Variants in NXN observed in about 807,000 individuals in gnomAD.
NXN encodes the protein nucleoredoxin 1.
NXN carries 16 observed loss-of-function variants against 48.6 expected under a neutral mutation model. The ratio of observed to expected loss-of-function variants is 0.33; its 90% CI spans 0.22 to 0.50. The LOEUF (loss-of-function observed/expected upper bound fraction) is 0.50, where lower values mean the gene tolerates loss of function less well. Among genes scored for constraint, NXN ranks in the 20% least tolerant of loss-of-function variants. The pLI, the probability that NXN is intolerant of heterozygous loss-of-function variation, is 0.98. For synonymous variants in NXN, 281 were observed against 269.6 expected, an observed-to-expected ratio of 1.04 and a Z score of -0.41; for missense variants, 492 against 605.5, an observed-to-expected ratio of 0.81 and a Z score of 1.97.
At position 810,063 on chromosome 17, in the gene NXN, C is replaced by CTGTGAGTGGCGTGCACGTTACGAGTCCG. The variant is rs747641155; in HGVS notation, c.821-4844_821-4817dup. On this transcript the variant is annotated intron_variant, in intron 5 of 7. Transcript: ENST00000336868. ...TGAGTGGCGTGCACGTTACGAGTCC[C>CTGTGAGTGGCGTGCACGTTACGAGTCCG]TGTGAGTGGCGTGCACGTTACGAGT... is the stretch of plus-strand genomic sequence containing the variant. Among the ~76,000 whole-genome samples the CTGTGAGTGGCGTGCACGTTACGAGTCCG allele has an allele frequency of 8.1e-3, 302 of 37,334 alleles. 30 individuals carry two copies. Among genetic ancestry groups the CTGTGAGTGGCGTGCACGTTACGAGTCCG allele is most frequent in the East Asian group, 0.015 (16 of 1,048 alleles). 24.5% of individuals were successfully genotyped at this position (37,334 alleles called of 152,430 possible).
At position 920,967 on chromosome 17, in the gene NXN, C is replaced by T. The variant is rs1597243571; in HGVS notation, c.360+58352G>A. On this transcript the variant is annotated intron_variant, in intron 1 of 7. Transcript: ENST00000336868. This position sits in a 1 kb window ranked among gnomAD's most constrained non-coding sequence, Gnocchi z 4.6. Reference sequence around the variant, plus strand: ...TGAACTCCTGACCTCAAGTGATCCTCCCACCTTGGCCCCCAAAAGTCCTGG... The same window carrying T: ...TGAACTCCTGACCTCAAGTGATCCTTCCACCTTGGCCCCCAAAAGTCCTGG... 6.6e-6 allele frequency among the ~76,000 whole-genome samples: 1 copy of T among 152,174 alleles called. No individual in the cohort carries two copies. Among genetic ancestry groups the T allele is most frequent in the East Asian group, 1.9e-4 (1 of 5,190 alleles).
At chr17:896,860 C>CAGGG in intron 1 of NXN, 1 of 566,100 alleles carries the variant, frequency 1.8e-6, no homozygotes, top group Non-Finnish European at 2.7e-6. Flanking sequence ...CCTGACCACC[C>CAGGG]GCCCCCGGCC....
intron 1 of NXN, among the ~76,000 whole-genome samples, chr17:955,850 C>A (rs1292243120): frequency 6.6e-6 from 1 of 151,150 alleles, no homozygotes; most frequent in South Asian, 2.1e-4. Flanking sequence ...TGCAGTGAGC[C>A]GAGATTGTGC....
chr17:868,374 C>T (rs1366436418), intron 1 of NXN, among the ~76,000 whole-genome samples: 1 of 152,230 alleles, frequency 6.6e-6, no homozygotes, highest in Non-Finnish European at 1.5e-5. Context: ...GAACTCTCAT[C>T]CAGCCAGCAG....
At position 822,362 on chromosome 17, in the gene NXN, T is replaced by C; in HGVS notation, c.708A>G (p.Ala236=). ...GQNFEIIFVS[A]DRSEESFKQY... Reference sequence around the variant, plus strand: ...CACTTCACGGCACGACTGACCTGTCTGCACTAACGAAGATGATCTCGAAGT... The same window carrying C: ...CACTTCACGGCACGACTGACCTGTCCGCACTAACGAAGATGATCTCGAAGT... Residue 236 remains alanine (A), a synonymous_variant, in exon 4 of 8, where the codon GCA becomes GCG. Coordinates refer to ENST00000336868, the MANE Select transcript of NXN (RefSeq NM_022463.5). 1 of 1,612,678 alleles carries C rather than the reference T, an allele frequency of 6.2e-7. No individual in the cohort carries two copies. The highest frequency in any genetic ancestry group is 8.5e-7 in the Non-Finnish European group (1 of 1,178,712).
chr17:852,994 T>C (rs1330681488), intron 1 of NXN, among the ~76,000 whole-genome samples: 1 of 152,032 alleles, frequency 6.6e-6, no homozygotes, highest in Admixed American at 6.6e-5. Flanking sequence ...CTTTTTTTTT[T>C]TGAGACAGAG....
intron 1 of NXN, among the ~76,000 whole-genome samples, chr17:838,835 G>A (rs778422033): frequency 1.7e-4 from 26 of 152,130 alleles, no homozygotes; most frequent in Non-Finnish European, 3.7e-4. Flanking sequence ...AACGGGGGCC[G>A]CTCCAAGAAC....
rs34471469 is a variant in NXN at position 825,221 on chromosome 17, GAAAA to G, written c.478+736_478+739del. Among the ~76,000 whole-genome samples the G allele has an allele frequency of 2.5e-5, 3 of 120,988 alleles. No individual in the cohort carries two copies. The highest frequency in any genetic ancestry group is 8.6e-5 in the Admixed American group (1 of 11,666). 79.4% of individuals were successfully genotyped at this position (120,988 alleles called of 152,430 possible). On this transcript the variant is annotated intron_variant, in intron 2 of 7. Transcript: ENST00000336868. The surrounding 1 kb of genome is among the most constrained non-coding windows in gnomAD (Gnocchi z 4.1). Reference sequence around the variant, plus strand: ...GACAGAGGGAGATAGTGTCTCAAGAGAAAAAAAAAAAAAAAAAAGAAAAGCTTCA... The same window carrying G: ...GACAGAGGGAGATAGTGTCTCAAGAGAAAAAAAAAAAAAAGAAAAGCTTCA...
intron 1 of NXN, among the ~76,000 whole-genome samples, chr17:957,934 G>A (rs1010517728): frequency 6.6e-6 from 1 of 152,100 alleles, no homozygotes; most frequent in African/African-American, 2.4e-5. Flanking sequence ...TGTTCCTGGG[G>A]CTCTGCCAAG....
intron 1 of NXN, among the ~76,000 whole-genome samples, chr17:835,093 G>T (rs1205678185): frequency 6.6e-6 from 1 of 151,438 alleles, no homozygotes; most frequent in Non-Finnish European, 1.5e-5. Flanking sequence ...CGGATCACAA[G>T]GTCAGGAGAT....
chr17:887,052 G>T (rs909977169), intron 1 of NXN, among the ~76,000 whole-genome samples: 2 of 151,838 alleles, frequency 1.3e-5, no homozygotes, highest in Non-Finnish European at 2.9e-5. Context: ...GGACTACAAG[G>T]CGTGAACCAC....
intron 1 of NXN, among the ~76,000 whole-genome samples, chr17:838,920 G>A (rs571358383): frequency 2.6e-5 from 4 of 152,318 alleles, no homozygotes; most frequent in South Asian, 2.1e-4. Context: ...GCTGGAGGCC[G>A]TGTGGGATAG....
chr17:926,166 C>T (rs2068795958), intron 1 of NXN, among the ~76,000 whole-genome samples: 1 of 152,060 alleles, frequency 6.6e-6, no homozygotes, highest in Non-Finnish European at 1.5e-5. Context: ...CAGTATCTAC[C>T]GTCTCTGTCT....
intron 1 of NXN, among the ~76,000 whole-genome samples, chr17:835,972 G>GC (rs1913797397): frequency 3.8e-5 from 1 of 26,364 alleles, no homozygotes; most frequent in Non-Finnish European, 7.2e-5. Context: ...GGATTCGTCA[G>GC]CCTCATAGAG....
chr17:960,026 A>G (rs1307302898), intron 1 of NXN, among the ~76,000 whole-genome samples: 2 of 151,964 alleles, frequency 1.3e-5, no homozygotes, highest in Admixed American at 1.3e-4. Context: ...CGGGGGGCAG[A>G]GGTTGCGGTC....
At chr17:861,633 C>G (rs913154640) in intron 1 of NXN, among the ~76,000 whole-genome samples, 1 of 152,114 alleles carries the variant, frequency 6.6e-6, no homozygotes, top group Non-Finnish European at 1.5e-5. Flanking sequence ...GCCAGAAAAG[C>G]AAGCAAATGC....
intron 1 of NXN, among the ~76,000 whole-genome samples, chr17:931,549 A>G (rs8078912): frequency 5.9e-5 from 9 of 152,060 alleles, no homozygotes; most frequent in Non-Finnish European, 8.8e-5. Context: ...TTTTAAAAAA[A>G]TTTTTGGCCG....
chr17:895,588 G>A (rs534531238), intron 1 of NXN, among the ~76,000 whole-genome samples: 16 of 150,776 alleles, frequency 1.1e-4, no homozygotes, highest in Admixed American at 2.6e-4. Flanking sequence ...CGAGGTGGGC[G>A]GATCACAGGG....
At chr17:976,824 T>C (rs528275130) in intron 1 of NXN, among the ~76,000 whole-genome samples, 48 of 151,328 alleles carry the variant, frequency 3.2e-4, no homozygotes, top group African/African-American at 1.1e-3. Flanking sequence ...TGGGGTGCAA[T>C]GGTGCGATCT....
Sources: gnomAD v4.1 joint callset for allele counts (sites outside exome capture counted in the v4.1 genomes callset) on GRCh38, gnomAD v4.1.1 for gene constraint, Gnocchi (gnomAD v3.1) non-coding constraint, MANE v1.5 for transcripts, NCBI Gene and HGNC (gene_info 2026-07-23, HGNC 2026-07-21) for gene names.